Variants in SAMD5 observed in about 807,000 individuals in gnomAD.
The protein encoded by SAMD5 is sterile alpha motif domain-containing protein 5.
SAMD5 carries 13 observed loss-of-function variants against 11.3 expected under a neutral mutation model. That is an observed-to-expected ratio of 1.15 (90% CI 0.75 to 1.83). The LOEUF is 1.83. SAMD5 is among the 40% of genes most tolerant of loss of function. The probability of loss-of-function intolerance (pLI) is 0.00; values close to 1 mark genes in which losing one functional copy is unlikely to be tolerated. For missense variants in SAMD5, 255 were observed against 239.1 expected, an observed-to-expected ratio of 1.07 and a Z score of -0.44; for synonymous variants, 129 against 111.3, an observed-to-expected ratio of 1.16 and a Z score of -1.00.
the SAMD5 span, among the ~76,000 whole-genome samples, chr6:147,936,306 C>T: frequency 4.2e-4 from 64 of 152,122 alleles, 1 homozygote; most frequent in African/African-American, 1.5e-3. Flanking sequence ...TTAATTGGCT[C>T]GTGGTGGTTC....
At chr6:147,550,888 T>C (rs1387733727) in intron 1 of SAMD5, among the ~76,000 whole-genome samples, 1 of 119,168 alleles carries the variant, frequency 8.4e-6, no homozygotes, top group Non-Finnish European at 1.8e-5. Flanking sequence ...ACTGCACTTA[T>C]ACCTCTTATA....
the SAMD5 span, among the ~76,000 whole-genome samples, chr6:147,934,539 C>G: frequency 2.0e-5 from 3 of 152,004 alleles, no homozygotes; most frequent in Non-Finnish European, 4.4e-5. Context: ...ACTCACAAGT[C>G]CCAGATAGGT....
chr6:147,752,964 T>A, the SAMD5 span, among the ~76,000 whole-genome samples: 1 of 152,330 alleles, frequency 6.6e-6, no homozygotes, highest in Middle Eastern at 3.4e-3. Context: ...AAGCAATTTG[T>A]GGGTGACTGC....
intron 1 of SAMD5, among the ~76,000 whole-genome samples, chr6:147,616,363 A>G (rs1157437671): frequency 6.6e-6 from 1 of 150,530 alleles, no homozygotes; most frequent in Non-Finnish European, 1.5e-5. Flanking sequence ...TTATTTCATT[A>G]TATGCCACGG....
At chr6:147,885,194 C>T in the SAMD5 span, among the ~76,000 whole-genome samples, 10 of 152,256 alleles carry the variant, frequency 6.6e-5, no homozygotes, top group African/African-American at 2.4e-4. Context: ...TGTGGTCACT[C>T]ACACCTGTAA....
the SAMD5 span, among the ~76,000 whole-genome samples, chr6:147,743,724 TAATC>T: frequency 5.8e-4 from 89 of 152,290 alleles, 1 homozygote; most frequent in African/African-American, 2.1e-3. Flanking sequence ...TCTCTTTAAT[TAATC>T]CAGTTAACCC....
intron 1 of SAMD5, among the ~76,000 whole-genome samples, chr6:147,628,691 C>T (rs1227892963): frequency 6.6e-6 from 1 of 151,868 alleles, no homozygotes; most frequent in Non-Finnish European, 1.5e-5. Context: ...AATATGATAC[C>T]CATCCTCCCC....
chr6:147,652,159 A>G (rs977088351), intron 1 of SAMD5, among the ~76,000 whole-genome samples: 1 of 152,218 alleles, frequency 6.6e-6, no homozygotes, highest in African/African-American at 2.4e-5. Flanking sequence ...TTCCACTGTA[A>G]CTGCAAATAT....
chr6:147,671,957 A>G (rs1361621487), intron 1 of SAMD5, among the ~76,000 whole-genome samples: 1 of 148,192 alleles, frequency 6.7e-6, no homozygotes, highest in Non-Finnish European at 1.5e-5. Flanking sequence ...TTTAAAATCA[A>G]CTTGACAAAT....
chr6:147,867,312 G>T, the SAMD5 span, among the ~76,000 whole-genome samples: 5 of 123,484 alleles, frequency 4.0e-5, no homozygotes, highest in Admixed American at 8.9e-5. Flanking sequence ...ACTTAACACT[G>T]ATAATGTTTT....
At chr6:147,578,940 T>C (rs1789256465) in intron 1 of SAMD5, among the ~76,000 whole-genome samples, 1 of 152,262 alleles carries the variant, frequency 6.6e-6, no homozygotes, top group Non-Finnish European at 1.5e-5. Context: ...CAGGATAATA[T>C]AAATAATTTA....
the SAMD5 span, among the ~76,000 whole-genome samples, chr6:147,890,147 G>A: frequency 6.6e-6 from 1 of 151,994 alleles, no homozygotes; most frequent in Non-Finnish European, 1.5e-5. Flanking sequence ...ACAAACGTGA[G>A]ATTGAGGAAA....
chr6:147,618,805 G>A (rs1027274404), intron 1 of SAMD5, among the ~76,000 whole-genome samples: 3 of 152,166 alleles, frequency 2.0e-5, no homozygotes, highest in Non-Finnish European at 2.9e-5. Context: ...CCCTTTTTAC[G>A]AAGTCATCTG....
the SAMD5 span, among the ~76,000 whole-genome samples, chr6:147,754,281 T>A: frequency 6.6e-6 from 1 of 152,124 alleles, no homozygotes; most frequent in Non-Finnish European, 1.5e-5. Context: ...TAGTTTTGAT[T>A]TGCATTTCTC....
At chr6:147,723,327 AT>A (rs1453764459) in intron 1 of SAMD5, among the ~76,000 whole-genome samples, 1 of 152,120 alleles carries the variant, frequency 6.6e-6, no homozygotes, top group Non-Finnish European at 1.5e-5. Context: ...GTCCATGAGC[AT>A]TTCCTACACC....
chr6:147,630,931 G>C (rs114095415), intron 1 of SAMD5, among the ~76,000 whole-genome samples: 1 of 151,450 alleles, frequency 6.6e-6, no homozygotes, highest in Non-Finnish European at 1.5e-5. Flanking sequence ...TAATCACTGC[G>C]GGGATGCCTG....
At chr6:147,826,512 G>T in the SAMD5 span, among the ~76,000 whole-genome samples, 1 of 152,176 alleles carries the variant, frequency 6.6e-6, no homozygotes, top group African/African-American at 2.4e-5. Context: ...TGGTTCTTCA[G>T]TCTCCTCCTA....
intron 1 of SAMD5, among the ~76,000 whole-genome samples, chr6:147,649,722 CAG>C (rs932595620): frequency 2.0e-5 from 3 of 149,728 alleles, no homozygotes; most frequent in African/African-American, 7.4e-5. Flanking sequence ...ACCCAGGAGG[CAG>C]AGTTTGTAGT....
chr6:147,921,260 AAGAG>A, the SAMD5 span, among the ~76,000 whole-genome samples: 17 of 144,594 alleles, frequency 1.2e-4, no homozygotes, highest in African/African-American at 4.6e-4. Flanking sequence ...CTTAAAACAA[AAGAG>A]AGAGTATAAA....
Sources: gnomAD v4.1 joint callset for allele counts (sites outside exome capture counted in the v4.1 genomes callset) on GRCh38, gnomAD v4.1.1 for gene constraint, MANE v1.5 for transcripts, NCBI Gene and HGNC (gene_info 2026-07-23, HGNC 2026-07-21) for gene names.